The following CCSER1 variants were observed in gnomAD, a reference collection of about 807,000 sequenced individuals.
The protein encoded by CCSER1 is serine-rich coiled-coil domain-containing protein 1.
In CCSER1, 41 loss-of-function variants were observed where a neutral mutation model predicts 82.0. The observed-to-expected ratio is 0.50, with a 90% CI of 0.39 to 0.65. The LOEUF is 0.65. Among genes scored for constraint, CCSER1 ranks in the 30% least tolerant of loss-of-function variants. CCSER1 has a pLI of 0.00. For synonymous variants in CCSER1, 414 were observed against 383.9 expected (o/e 1.08, Z -0.92); for missense variants, 1,119 against 1,064.2 (o/e 1.05, Z -0.72).
At chr4:91,530,684 CT>C (rs35485374) in intron 10 of CCSER1, among the ~76,000 whole-genome samples, 21,376 of 136,284 alleles carry the variant, frequency 0.16, 1,526 homozygotes, top group South Asian at 0.24. Flanking sequence ...ATTTTTCTTT[CT>C]TTTTTTTTTT....
chr4:91,584,773 T>C (rs1248363617), intron 10 of CCSER1, among the ~76,000 whole-genome samples: 1 of 151,562 alleles, frequency 6.6e-6, no homozygotes, highest in African/African-American at 2.4e-5. Context: ...TAAACATTGT[T>C]ATTAAAAATT....
intron 10 of CCSER1, among the ~76,000 whole-genome samples, chr4:91,414,364 T>G (rs995921858): frequency 6.6e-6 from 1 of 152,078 alleles, no homozygotes; most frequent in African/African-American, 2.4e-5. Context: ...AAAATAAAAT[T>G]TTATAACACT....
chr4:91,527,977 C>T (rs763628285), intron 10 of CCSER1, among the ~76,000 whole-genome samples: 5 of 152,034 alleles, frequency 3.3e-5, no homozygotes, highest in Admixed American at 6.6e-5. Flanking sequence ...TGCAGTGTCG[C>T]GATCTCGGCT....
chr4:90,340,144 C>T (rs1003684471), intron 3 of CCSER1, among the ~76,000 whole-genome samples: 1 of 152,090 alleles, frequency 6.6e-6, no homozygotes, highest in Non-Finnish European at 1.5e-5. Flanking sequence ...GGAATAGGAC[C>T]TTGCTAAAAC....
intron 7 of CCSER1, chr4:90,780,710 C>A: frequency 7.7e-7 from 1 of 1,300,984 alleles, no homozygotes; most frequent in Non-Finnish European, 9.7e-7. Context: ...GGTCAGGAGG[C>A]CTCCTTGCTC....
chr4:90,240,774 T>C (rs1257769456), intron 1 of CCSER1, among the ~76,000 whole-genome samples: 1 of 152,192 alleles, frequency 6.6e-6, no homozygotes, highest in Non-Finnish European at 1.5e-5. Context: ...GTGCCCAATT[T>C]TAGCCCCTTG....
At chr4:90,519,588 A>G (rs1259262328) in intron 5 of CCSER1, among the ~76,000 whole-genome samples, 11 of 151,916 alleles carry the variant, frequency 7.2e-5, no homozygotes, top group African/African-American at 2.7e-4. Flanking sequence ...GCTTATTACA[A>G]TTTTTTTATT....
At chr4:91,118,305 A>G (rs1241220110) in intron 10 of CCSER1, among the ~76,000 whole-genome samples, 5 of 80,952 alleles carry the variant, frequency 6.2e-5, no homozygotes, top group Admixed American at 2.8e-4. Flanking sequence ...TTTTTTTTTG[A>G]GACGAGGTCT....
chr4:90,804,518 G>T (rs1580551631), intron 7 of CCSER1, among the ~76,000 whole-genome samples: 1 of 152,040 alleles, frequency 6.6e-6, no homozygotes, highest in East Asian at 1.9e-4. Flanking sequence ...AAGATCAGAT[G>T]GTTGTAGATG....
chr4:91,463,144 A>T (rs1341746037), intron 10 of CCSER1, among the ~76,000 whole-genome samples: 1 of 152,012 alleles, frequency 6.6e-6, no homozygotes, highest in African/African-American at 2.4e-5. Flanking sequence ...TGGCCAAGTA[A>T]CCCTCTGAGA....
At chr4:90,877,278 C>G (rs376661422) in intron 8 of CCSER1, among the ~76,000 whole-genome samples, 141 of 152,168 alleles carry the variant, frequency 9.3e-4, no homozygotes, top group Middle Eastern at 6.8e-3. Flanking sequence ...GCCCTGACCT[C>G]CTTATCTTGT....
intron 7 of CCSER1, among the ~76,000 whole-genome samples, chr4:90,773,159 G>A (rs569668919): frequency 6.6e-6 from 1 of 152,302 alleles, no homozygotes; most frequent in East Asian, 1.9e-4. Context: ...AGAATTGCTT[G>A]AACCCAGGAG....
chr4:90,496,818 A>G (rs1354773783), intron 5 of CCSER1, among the ~76,000 whole-genome samples: 1 of 152,050 alleles, frequency 6.6e-6, no homozygotes, highest in African/African-American at 2.4e-5. Flanking sequence ...CTCTACTAAA[A>G]ATACAAAAAT....
chr4:90,667,775 G>T (rs1428442236), intron 6 of CCSER1, among the ~76,000 whole-genome samples: 3 of 152,120 alleles, frequency 2.0e-5, no homozygotes, highest in South Asian at 2.1e-4. Context: ...CAAGTCTTTG[G>T]TGTTGTGAAT....
At chr4:91,234,596 A>T (rs773881898) in intron 10 of CCSER1, among the ~76,000 whole-genome samples, 4 of 152,138 alleles carry the variant, frequency 2.6e-5, no homozygotes, top group Non-Finnish European at 4.4e-5. Context: ...ATGAGACTAT[A>T]CAGTTTTGTA....
chr4:91,203,846 G>C (rs1054342304), intron 10 of CCSER1, among the ~76,000 whole-genome samples: 1 of 151,762 alleles, frequency 6.6e-6, no homozygotes. Flanking sequence ...ACTGTCTGTT[G>C]AATCTACAGT....
intron 10 of CCSER1, among the ~76,000 whole-genome samples, chr4:91,540,026 A>G (rs1174204123): frequency 3.9e-5 from 6 of 152,138 alleles, no homozygotes; most frequent in South Asian, 4.1e-4. Flanking sequence ...AATTATTTTA[A>G]TAAGAGCTTA....
At chr4:90,716,355 T>C (rs1374399565) in intron 6 of CCSER1, among the ~76,000 whole-genome samples, 1 of 152,014 alleles carries the variant, frequency 6.6e-6, no homozygotes, top group Non-Finnish European at 1.5e-5. Flanking sequence ...TAAAGTCTTA[T>C]GATGTTCCCA....
intron 9 of CCSER1, among the ~76,000 whole-genome samples, chr4:91,031,903 CAT>C (rs1331517227): frequency 3.9e-5 from 6 of 152,044 alleles, no homozygotes; most frequent in Admixed American, 3.9e-4. Flanking sequence ...ATTCATGTGT[CAT>C]ATAGACATTT....
Sources: allele counts gnomAD v4.1 joint callset (sites outside exome capture counted in the v4.1 genomes callset), GRCh38; gene constraint gnomAD v4.1.1; transcripts MANE v1.5; gene names NCBI Gene and HGNC (gene_info 2026-07-23, HGNC 2026-07-21).